The following MYH11 variants were observed in gnomAD, a reference collection of about 807,000 sequenced individuals.
The protein encoded by MYH11 is myosin-11.
Under a neutral mutation model 246.6 loss-of-function variants are expected in MYH11, and 80 were observed. The ratio of observed to expected loss-of-function variants is 0.32; its 90% CI spans 0.27 to 0.39. The LOEUF (loss-of-function observed/expected upper bound fraction) is 0.39, where lower values mean the gene tolerates loss of function less well. Among genes scored for constraint, MYH11 ranks in the 10% least tolerant of loss-of-function variants. The probability of loss-of-function intolerance (pLI) is 1.00; values close to 1 mark genes in which losing one functional copy is unlikely to be tolerated. For missense variants in MYH11, 2,158 were observed against 2,546.8 expected, an observed-to-expected ratio of 0.85 and a Z score of 3.29; for synonymous variants, 1,071 against 1,015.5, an observed-to-expected ratio of 1.05 and a Z score of -1.04.
intron 8 of MYH11, among the ~76,000 whole-genome samples, chr16:15,772,087 C>CTTTTTTTT (rs35008322): frequency 9.4e-6 from 1 of 105,956 alleles, no homozygotes; most frequent in Non-Finnish European, 1.9e-5. Flanking sequence ...AACCTTTACT[C>CTTTTTTTT]TTTTTTTTTT....
intron 36 of MYH11, chr16:15,718,956 C>T (rs983674221): frequency 4.0e-5 from 19 of 479,854 alleles, no homozygotes; most frequent in Non-Finnish European, 5.3e-5. Flanking sequence ...GGTGAAACCC[C>T]ACCTCTACTA....
intron 14 of MYH11, among the ~76,000 whole-genome samples, chr16:15,755,495 A>T (rs1296234022): frequency 1.3e-5 from 2 of 152,208 alleles, no homozygotes; most frequent in Admixed American, 6.5e-5. Flanking sequence ...CTATACAAGA[A>T]AAGCAGGCTG....
chr16:15,744,852 A>G (rs776226586), intron 20 of MYH11, among the ~76,000 whole-genome samples: 4 of 152,256 alleles, frequency 2.6e-5, no homozygotes, highest in Non-Finnish European at 5.9e-5. Context: ...AGTGGTTTCC[A>G]TGGCTACGGA....
intron 1 of MYH11, among the ~76,000 whole-genome samples, chr16:15,844,132 G>A (rs886245202): frequency 6.6e-6 from 1 of 152,174 alleles, no homozygotes; most frequent in Non-Finnish European, 1.5e-5. Flanking sequence ...GGGGATGAAG[G>A]TGATGAAGCC....
Position 15,788,077 on chromosome 16 carries a change from CTTT to C in MYH11, c.531-1348_531-1346del, listed in dbSNP as rs1555569336. Among the ~76,000 whole-genome samples, 4 of 55,368 alleles carry C rather than the reference CTTT, an allele frequency of 7.2e-5. 1 individual carries two copies. Among genetic ancestry groups the C allele is most frequent in the Non-Finnish European group, 7.3e-5 (2 of 27,354 alleles). The allele number at this position is 55,368 out of a possible 152,430, so 36.3% of individuals were successfully genotyped here. On this transcript the variant is annotated intron_variant, in intron 4 of 40. Transcript: ENST00000300036. ...GTCCTCCTGGAATATGAAGGTAGATCTTTTTTTTTTTTTTTTTTACCAAGATGG... is the reference window on the plus strand; with the variant it reads ...GTCCTCCTGGAATATGAAGGTAGATCTTTTTTTTTTTTTTTACCAAGATGG...
intron 5 of MYH11, among the ~76,000 whole-genome samples, chr16:15,784,141 G>C (rs2042415471): frequency 6.6e-6 from 1 of 152,034 alleles, no homozygotes; most frequent in Admixed American, 6.6e-5. Flanking sequence ...CTGGAGGCTT[G>C]AGTCAAGCAA....
At chr16:15,704,766 G>A (rs1204377059) in intron 40 of MYH11, among the ~76,000 whole-genome samples, 2 of 152,216 alleles carry the variant, frequency 1.3e-5, no homozygotes, top group East Asian at 1.9e-4. Flanking sequence ...TTTGCTGATC[G>A]TGGAACATAC....
At chr16:15,751,157 T>TCA (rs1414496547) in intron 15 of MYH11, among the ~76,000 whole-genome samples, 17 of 147,966 alleles carry the variant, frequency 1.1e-4, no homozygotes, top group Non-Finnish European at 1.9e-4. Flanking sequence ...ATTATTATTA[T>TCA]TATCATTATT....
chr16:15,794,917 G>A (rs1445894293), intron 4 of MYH11, among the ~76,000 whole-genome samples: 1 of 152,236 alleles, frequency 6.6e-6, no homozygotes, highest in East Asian at 1.9e-4. Flanking sequence ...AGTCTTCCAA[G>A]TCACAGTAAG....
At position 15,739,469 on chromosome 16, in the gene MYH11, T is replaced by A. The variant is rs141551467; in HGVS notation, c.2997+582A>T. ...GATCACCATGGTAAATGACGATTAT[T>A]TGCCATCTCACTACAGTATAAACCC... On this transcript the variant is annotated intron_variant, in intron 23 of 40. Coordinates refer to ENST00000300036, the MANE Select transcript of MYH11 (RefSeq NM_002474.3). 6.2e-4 allele frequency among the ~76,000 whole-genome samples: 94 copies of A among 152,240 alleles called. 1 individual carries two copies. The highest frequency in any genetic ancestry group is 1.1e-3 in the Non-Finnish European group (72 of 68,018).
At chr16:15,757,629 C>T (rs1393389635) in intron 13 of MYH11, among the ~76,000 whole-genome samples, 198 bp downstream of exon 13, 2 of 150,274 alleles carry the variant, frequency 1.3e-5, no homozygotes, top group African/African-American at 2.5e-5. Context: ...AAAGAAAATA[C>T]CTTTGATATG....
At chr16:15,798,616 A>C (rs761727751) in intron 4 of MYH11, 44 bp downstream of exon 4, 6 of 1,537,896 alleles carry the variant, frequency 3.9e-6, no homozygotes, top group South Asian at 2.5e-5. Context: ...ATTAAAAAAA[A>C]AAAAAAACAA....
chr16:15,745,541 G>A (rs530493346), intron 19 of MYH11, among the ~76,000 whole-genome samples: 5 of 150,190 alleles, frequency 3.3e-5, no homozygotes, highest in East Asian at 2.0e-4. Flanking sequence ...GGGGGCTCCC[G>A]TACTCCCCAG....
intron 36 of MYH11, 167 bp from the exon 37 acceptor site, chr16:15,718,605 A>G (rs752768285): frequency 6.6e-6 from 7 of 1,066,580 alleles, no homozygotes; most frequent in African/African-American, 1.6e-5. Flanking sequence ...CAGGAAGTGG[A>G]CAGCCGGGAC....
intron 9 of MYH11, among the ~76,000 whole-genome samples, chr16:15,769,188 C>T (rs947906705): frequency 2.6e-5 from 4 of 152,068 alleles, no homozygotes; most frequent in African/African-American, 7.2e-5. Flanking sequence ...TGGTGGTGGG[C>T]GCCTATAATC....
At chr16:15,720,061 G>T in intron 34 of MYH11, 90 bp downstream of exon 34, 1 of 1,560,232 alleles carries the variant, frequency 6.4e-7, no homozygotes, top group Non-Finnish European at 8.8e-7. Context: ...GTGCAGGCTT[G>T]CTTCCTGGAG....
At chr16:15,849,219 T>C (rs2044271533) in intron 1 of MYH11, among the ~76,000 whole-genome samples, 1 of 152,074 alleles carries the variant, frequency 6.6e-6, no homozygotes, top group Non-Finnish European at 1.5e-5. Flanking sequence ...TTTGTAGAGA[T>C]GGGGGTCTTG....
intron 6 of MYH11, chr16:15,779,222 T>C (rs984350472): frequency 3.6e-5 from 13 of 357,432 alleles, no homozygotes; most frequent in Non-Finnish European, 7.0e-5. Flanking sequence ...CTTGAACTCC[T>C]GGGCTCAAGC....
At chr16:15,717,094 C>T (rs1389494517) in intron 38 of MYH11, 46 bp downstream of exon 38, 1 of 1,595,792 alleles carries the variant, frequency 6.3e-7, no homozygotes, top group South Asian at 1.1e-5. Context: ...CTCCTGCTGT[C>T]CATCACCCCC....
Sources: gnomAD v4.1 joint callset for allele counts (sites outside exome capture counted in the v4.1 genomes callset) on GRCh38, gnomAD v4.1.1 for gene constraint, MANE v1.5 for transcripts, NCBI Gene and HGNC (gene_info 2026-07-23, HGNC 2026-07-21) for gene names.